CSPP1: variants seen among roughly 807,000 people sequenced by gnomAD.
CSPP1 encodes the protein centrosome and spindle pole associated protein 1, also known as centrosome and spindle pole-associated protein 1.
CSPP1 carries 126 observed loss-of-function variants against 164.4 expected under a neutral mutation model. The observed-to-expected ratio is 0.77, with a 90% CI of 0.66 to 0.89. CSPP1 has a LOEUF of 0.89. Ranked by LOEUF, CSPP1 falls within the 40% of genes least tolerant of loss-of-function variation. The probability of loss-of-function intolerance (pLI) is 0.00; values close to 1 mark genes in which losing one functional copy is unlikely to be tolerated. For missense variants in CSPP1, 1,395 were observed against 1,449.8 expected (o/e 0.96, Z 0.61); for synonymous variants, 472 against 476.7 (o/e 0.99, Z 0.13).
intron 16 of CSPP1, among the ~76,000 whole-genome samples, chr8:67,136,733 A>G (rs766023461): frequency 2.6e-4 from 39 of 152,094 alleles, no homozygotes; most frequent in Non-Finnish European, 4.6e-4. Flanking sequence ...TAGGGAAAGT[A>G]GGTCTGGTAA....
intron 2 of CSPP1, 44 bp downstream of exon 2, chr8:67,074,395 C>A: frequency 8.4e-7 from 1 of 1,195,408 alleles, no homozygotes; most frequent in Non-Finnish European, 1.2e-6. Flanking sequence ...TTATAATTGT[C>A]TATGGAGATT....
At chr8:67,141,296 T>C (rs1193998471) in intron 17 of CSPP1, among the ~76,000 whole-genome samples, 1 of 152,230 alleles carries the variant, frequency 6.6e-6, no homozygotes, top group African/African-American at 2.4e-5. Context: ...GTTTCCACAT[T>C]ATTTTAGAAT....
chr8:67,193,416 A>T, intron 29 of CSPP1, 48 bp from the exon 30 acceptor site: 1 of 1,562,394 alleles, frequency 6.4e-7, no homozygotes. Flanking sequence ...TGATTTGTGA[A>T]CATATTTTGT....
chr8:67,152,086 C>CAAAAAA (rs1185447488), intron 18 of CSPP1, among the ~76,000 whole-genome samples: 4 of 58,136 alleles, frequency 6.9e-5, no homozygotes, highest in African/African-American at 9.2e-5. Context: ...GACTCCATCT[C>CAAAAAA]AAAAAAAAAA....
intron 7 of CSPP1, among the ~76,000 whole-genome samples, chr8:67,100,067 C>A (rs1379461489): frequency 1.3e-5 from 2 of 152,058 alleles, no homozygotes; most frequent in Non-Finnish European, 2.9e-5. Context: ...TATTTCTGCT[C>A]TTTTTTAGCC....
chr8:67,195,658 A>ATACC lies in CSPP1; in HGVS notation c.*65_*66insTACC. The stretch of plus-strand genomic sequence containing the variant: ...AAAGGAATGGTAAATCTGTACCTTT[A>ATACC]ATATGTCCTACTTTTGGCCCCTACC... On this transcript the variant is annotated 3_prime_UTR_variant, in exon 31 of 31. Transcript: ENST00000678616. The ATACC allele has an allele frequency of 7.1e-7, 1 of 1,400,622 alleles. No individual in the cohort carries two copies. The highest frequency in any genetic ancestry group is 1.0e-6 in the Non-Finnish European group (1 of 1,001,364). 86.8% of individuals were successfully genotyped at this position (1,400,622 alleles called of 1,614,324 possible). A position where few individuals can be genotyped will look rare whatever the true frequency, so the allele number is the denominator to read the frequency against.
chr8:67,144,133 G>T (rs773824983), intron 17 of CSPP1, among the ~76,000 whole-genome samples: 10 of 152,148 alleles, frequency 6.6e-5, no homozygotes, highest in Non-Finnish European at 1.0e-4. Context: ...GTTTCATTGT[G>T]AGTGTATGTT....
chr8:67,079,562 T>C (rs1350648574), intron 3 of CSPP1, among the ~76,000 whole-genome samples: 1 of 152,226 alleles, frequency 6.6e-6, no homozygotes, highest in Non-Finnish European at 1.5e-5. Context: ...GGTGGTTGTT[T>C]TGTTTTACAG....
intron 29 of CSPP1, among the ~76,000 whole-genome samples, chr8:67,191,490 G>C (rs2129575374): frequency 6.6e-6 from 1 of 152,330 alleles, no homozygotes; most frequent in African/African-American, 2.4e-5. Flanking sequence ...GGTTTCTATA[G>C]ATGTGCCTTT....
At chr8:67,079,523 G>T (rs745834919) in intron 3 of CSPP1, among the ~76,000 whole-genome samples, 1 of 152,124 alleles carries the variant, frequency 6.6e-6, no homozygotes, top group Non-Finnish European at 1.5e-5. Flanking sequence ...TTGTCTGTCA[G>T]ATTTTTGTAA....
In CSPP1 at chr8:67,172,154, ATT is replaced by A. The variant is rs540548645; in HGVS notation, c.2829-241_2829-240del. Among the ~76,000 whole-genome samples the A allele has an allele frequency of 0.016, 2,057 of 124,814 alleles. 35 individuals carry two copies. The highest frequency in any genetic ancestry group is 0.044 in the South Asian group (172 of 3,874). The allele number at this position is 124,814 out of a possible 152,430, so 81.9% of individuals were successfully genotyped here. A position where few individuals can be genotyped will look rare whatever the true frequency, so the allele number is the denominator to read the frequency against. ...ATGAGACACCATGCCTGGCCTCATA[ATT>A]TTTTTTTTTTTTTTTTTTTTGTAGC... On this transcript the variant is annotated intron_variant, in intron 24 of 30. Transcript: ENST00000678616.
chr8:67,141,346 T>C (rs1823446703), intron 17 of CSPP1, among the ~76,000 whole-genome samples: 1 of 152,176 alleles, frequency 6.6e-6, no homozygotes, highest in Non-Finnish European at 1.5e-5. Context: ...CTTCTTAGAT[T>C]TCAATTTTTA....
At position 67,086,907 on chromosome 8, in the gene CSPP1, A is replaced by G. The variant is rs1253540714; in HGVS notation, c.303+797A>G. 5.7e-6 allele frequency: 5 copies of G among 873,554 alleles called. No homozygotes were observed. The Admixed American group carries it at 1.4e-4, about 24-fold the overall frequency. The allele number at this position is 873,554 out of a possible 1,614,324, so 54.1% of individuals were successfully genotyped here. On this transcript the variant is annotated intron_variant, in intron 4 of 30. Coordinates refer to ENST00000678616, the MANE Select transcript of CSPP1 (RefSeq NM_001382391.1). ...TTCTTTCTTTTTTTTTTTTTTTACG[A>G]TCTAGAAGGTTGCAATCATTTGCAT... is the stretch of plus-strand genomic sequence containing the variant.
At chr8:67,160,573 TATG>T (rs1260224148) in intron 21 of CSPP1, among the ~76,000 whole-genome samples, 2 of 152,054 alleles carry the variant, frequency 1.3e-5, no homozygotes, top group Admixed American at 6.5e-5. Flanking sequence ...TATATACTTT[TATG>T]ATATTATAAT....
At chr8:67,101,197 A>G (rs1027446768) in intron 7 of CSPP1, among the ~76,000 whole-genome samples, 5 of 152,192 alleles carry the variant, frequency 3.3e-5, no homozygotes, top group Non-Finnish European at 5.9e-5. Flanking sequence ...TGGGATGGTT[A>G]CGTAGGCACC....
chr8:67,112,817 A>G (rs973905055), intron 10 of CSPP1, among the ~76,000 whole-genome samples: 2 of 152,220 alleles, frequency 1.3e-5, no homozygotes, highest in African/African-American at 2.4e-5. Flanking sequence ...GGCTTCCTCA[A>G]TTCTACAGGA....
chr8:67,070,289 T>C (rs1267109025), intron 1 of CSPP1, among the ~76,000 whole-genome samples: 1 of 151,738 alleles, frequency 6.6e-6, no homozygotes, highest in African/African-American at 2.4e-5. Flanking sequence ...AGTGAAACCC[T>C]GTCTCTACTA....
At chr8:67,193,288 G>T (rs1836927816) in intron 29 of CSPP1, among the ~76,000 whole-genome samples, 176 bp from the exon 30 acceptor site, 2 of 152,058 alleles carry the variant, frequency 1.3e-5, no homozygotes, top group South Asian at 4.2e-4. Context: ...GTAGAGATGG[G>T]GTTTCACCAT....
chr8:67,154,051 T>C lies in CSPP1; in HGVS notation c.2156T>C (p.Phe719Ser). ...CATATGCAAACACAGAGCTCTCCTT[T>C]TGCTCGGGGAAATGTATTTGGTGAG... is the stretch of plus-strand genomic sequence containing the variant. ...SGHMQTQSSP[F>S]ARGNVFGEPP... The change falls in exon 19 of 31, where the codon TTT (phenylalanine) becomes TCT (serine). Residue 719 changes from phenylalanine to serine, a missense_variant. Coordinates refer to ENST00000678616, the MANE Select transcript of CSPP1 (RefSeq NM_001382391.1). The C allele has an allele frequency of 6.2e-7, 1 of 1,603,744 alleles. No individual in the cohort carries two copies. Among genetic ancestry groups the C allele is most frequent in the South Asian group, 1.1e-5 (1 of 90,562 alleles).
Sources: gnomAD v4.1 joint callset for allele counts (sites outside exome capture counted in the v4.1 genomes callset) on GRCh38, gnomAD v4.1.1 for gene constraint, MANE v1.5 for transcripts, NCBI Gene and HGNC (gene_info 2026-07-23, HGNC 2026-07-21) for gene names.